FANCM: variants seen among roughly 807,000 people sequenced by gnomAD.
FANCM encodes FA complementation group M.
FANCM carries 140 observed loss-of-function variants against 199.5 expected under a neutral mutation model. That is an observed-to-expected ratio of 0.70 (90% CI 0.61 to 0.81). FANCM has a LOEUF of 0.81. Among genes scored for constraint, FANCM ranks in the 30% least tolerant of loss-of-function variants. FANCM has a pLI of 0.00. For missense variants in FANCM, 2,410 were observed against 2,421.4 expected (o/e 1.00, Z 0.10); for synonymous variants, 840 against 836.8 (o/e 1.00, Z -0.07).
At chr14:45,178,295 T>C (rs1263689948) in intron 14 of FANCM, among the ~76,000 whole-genome samples, 1 of 152,230 alleles carries the variant, frequency 6.6e-6, no homozygotes, top group Non-Finnish European at 1.5e-5. Context: ...AAGTGTATGA[T>C]GCCTGTGAGC....
intron 12 of FANCM, 39 bp downstream of exon 12, chr14:45,170,785 C>T (rs759455150): frequency 7.0e-6 from 11 of 1,566,498 alleles, no homozygotes; most frequent in South Asian, 1.1e-5. Flanking sequence ...TTTCCCCCCC[C>T]TCATTTTAAT....
chr14:45,153,320 T>C (rs1468873540), intron 5 of FANCM, among the ~76,000 whole-genome samples: 2 of 152,236 alleles, frequency 1.3e-5, no homozygotes, highest in Non-Finnish European at 2.9e-5. Flanking sequence ...ATAACATAGC[T>C]ACCTGCTAGA....
chr14:45,174,397 A>AC (rs1888531867), intron 13 of FANCM, among the ~76,000 whole-genome samples: 2 of 151,984 alleles, frequency 1.3e-5, no homozygotes, highest in Non-Finnish European at 2.9e-5. Context: ...AAAAAAAAAA[A>AC]AACAAAAAAA....
At chr14:45,169,484 C>T (rs75012244) in intron 11 of FANCM, among the ~76,000 whole-genome samples, 13,154 of 151,522 alleles carry the variant, frequency 0.087, 756 homozygotes, top group South Asian at 0.2. Flanking sequence ...CATCATGAAG[C>T]CTCAACTCCT....
Position 45,199,865 on chromosome 14 carries a change from T to G in FANCM, c.6009-5T>G, listed in dbSNP as rs1293769226. ...TGTAATGATTTTGTCTCATTTATTT[T>G]TCAGCTCACTTCAAGAAATCTCCAT... On this transcript the variant is annotated splice_polypyrimidine_tract_variant and splice_region_variant and intron_variant, in intron 22 of 22. Coordinates refer to ENST00000267430, the MANE Select transcript of FANCM (RefSeq NM_020937.4). 6.2e-7 allele frequency: 1 copy of G among 1,611,658 alleles called. No individual in the cohort carries two copies. The highest frequency in any genetic ancestry group is 1.7e-5 in the Admixed American group (1 of 59,978).
chr14:45,167,310 G>C (rs1888055083), intron 11 of FANCM, 147 bp downstream of exon 11: 1 of 651,584 alleles, frequency 1.5e-6, no homozygotes, highest in Non-Finnish European at 2.7e-6. Context: ...GGCTGTACGA[G>C]ATTATTCATG....
chr14:45,163,874 A>G (rs1046937260), intron 9 of FANCM, among the ~76,000 whole-genome samples: 1 of 152,200 alleles, frequency 6.6e-6, no homozygotes, highest in Admixed American at 6.5e-5. Flanking sequence ...TTATTTTACC[A>G]TAATCTCTTT....
chr14:45,165,090 A>G (rs1004353236), intron 10 of FANCM, among the ~76,000 whole-genome samples: 1 of 152,218 alleles, frequency 6.6e-6, no homozygotes, highest in Admixed American at 6.5e-5. Flanking sequence ...AGTTATATTC[A>G]TACTGTGCTA....
Position 45,137,178 on chromosome 14 carries a change from T to A in FANCM, c.618T>A (p.Ala206=). The A allele has an allele frequency of 6.2e-7, 1 of 1,613,886 alleles. No homozygotes were observed. The highest frequency in any genetic ancestry group is 8.5e-7 in the Non-Finnish European group (1 of 1,179,964). ...TTTCTAGAGGAGCTTGTCCCGCTGC[T>A]GAAATAAAGTGTTTAGTTATTGATG... ...NDLSRGACPA[A]EIKCLVIDEA... Residue 206 remains alanine (A), a synonymous_variant, in exon 2 of 23, where the codon GCT becomes GCA. Coordinates refer to ENST00000267430, the MANE Select transcript of FANCM (RefSeq NM_020937.4).
chr14:45,187,629 T>C (rs1889489068), intron 18 of FANCM, 152 bp from the exon 19 acceptor site: 1 of 546,968 alleles, frequency 1.8e-6, no homozygotes, highest in Non-Finnish European at 3.3e-6. Context: ...TGAATAATTG[T>C]TTATAGATAT....
chr14:45,195,814 T>C (rs1035973663), intron 20 of FANCM, among the ~76,000 whole-genome samples: 6 of 152,238 alleles, frequency 3.9e-5, no homozygotes, highest in Non-Finnish European at 7.3e-5. Context: ...TTCCTTATTC[T>C]TCATGATGAA....
intron 3 of FANCM, among the ~76,000 whole-genome samples, chr14:45,141,498 CTGTT>C: frequency 9.5e-6 from 1 of 105,448 alleles, no homozygotes; most frequent in Non-Finnish European, 1.8e-5. Flanking sequence ...CCTTTCTCCT[CTGTT>C]CTCCTCCCCC....
At position 45,176,303 on chromosome 14, in the gene FANCM, G is replaced by A. The variant is rs765004424; in HGVS notation, c.3549G>A (p.Leu1183=). Residue 1183 remains leucine, a synonymous_variant, in exon 14 of 23, where the codon TTG becomes TTA. Transcript: ENST00000267430. ...AGTTCTTAATTTCTGATGAACTTTTGTTGGACAATAATTCTGAACTCCAAG... is the reference window on the plus strand; with the variant it reads ...AGTTCTTAATTTCTGATGAACTTTTATTGGACAATAATTCTGAACTCCAAG... ...VSQFLISDEL[L]LDNNSELQDQ... is the part of the protein sequence containing the mutation. The A allele has an allele frequency of 6.2e-7, 1 of 1,614,014 alleles. No homozygotes were observed.
At chr14:45,199,115 G>A (rs1050608245) in intron 22 of FANCM, among the ~76,000 whole-genome samples, 180 bp downstream of exon 22, 4 of 151,704 alleles carry the variant, frequency 2.6e-5, no homozygotes, top group South Asian at 2.1e-4. Flanking sequence ...GACATTATTC[G>A]AAAAAAAGAA....
chr14:45,178,890 T>A (rs2139260767), intron 14 of FANCM, among the ~76,000 whole-genome samples: 1 of 152,246 alleles, frequency 6.6e-6, no homozygotes, highest in Non-Finnish European at 1.5e-5. Context: ...AGAGGATCTG[T>A]GAGGAGCTTC....
chr14:45,145,726 C>G (rs1046351406), intron 3 of FANCM, among the ~76,000 whole-genome samples: 1 of 152,116 alleles, frequency 6.6e-6, no homozygotes, highest in Non-Finnish European at 1.5e-5. Context: ...AGATCGAGAC[C>G]ACACTGGCTA....
At chr14:45,190,257 G>A (rs750635427) in intron 20 of FANCM, among the ~76,000 whole-genome samples, 34 of 152,116 alleles carry the variant, frequency 2.2e-4, no homozygotes, top group South Asian at 4.2e-4. Flanking sequence ...ATAATAATAG[G>A]AACTATATAT....
At chr14:45,146,832 CAAAA>C (rs762253487) in intron 3 of FANCM, among the ~76,000 whole-genome samples, 779 of 42,086 alleles carry the variant, frequency 0.019, 8 homozygotes, top group African/African-American at 0.049. Context: ...GACTCTGTCT[CAAAA>C]AAAAAAAAAA....
At position 45,198,672 on chromosome 14, in the gene FANCM, A is replaced by G. The variant is rs535316621; in HGVS notation, c.5745A>G (p.Thr1915=). ...ACACATCAAGGATGTTTAGGAGAAC[A>G]AAGAGCTATGACAGCCTGCTGACTA... is the stretch of plus-strand genomic sequence containing the variant. ...TGDTSRMFRR[T]KSYDSLLTTL... The change falls in exon 22 of 23, where the codon ACA becomes ACG. Residue 1915 remains threonine (T), a synonymous_variant. Coordinates refer to ENST00000267430, the MANE Select transcript of FANCM (RefSeq NM_020937.4). The G allele has an allele frequency of 5.6e-6, 9 of 1,612,902 alleles. No individual in the cohort carries two copies. The African/African-American group carries it at 8.0e-5, about 14-fold the overall frequency.
Sources: gnomAD v4.1 joint callset for allele counts (sites outside exome capture counted in the v4.1 genomes callset) on GRCh38, gnomAD v4.1.1 for gene constraint, MANE v1.5 for transcripts, NCBI Gene and HGNC (gene_info 2026-07-23, HGNC 2026-07-21) for gene names.